Variants in BCKDHB observed in about 807,000 individuals in gnomAD.
BCKDHB encodes the protein 2-oxoisovalerate dehydrogenase subunit beta, mitochondrial.
A neutral mutation model predicts 48.5 loss-of-function variants in BCKDHB; 41 were observed. That is an observed-to-expected ratio of 0.85 (90% CI 0.66 to 1.10). The LOEUF is 1.10. Among genes scored for constraint, BCKDHB ranks in the 50% least tolerant of loss-of-function variants. The pLI is 0.00. For missense variants in BCKDHB, 496 were observed against 494.2 expected (o/e 1.00, Z -0.03); for synonymous variants, 201 against 174.8 (o/e 1.15, Z -1.18).
intron 9 of BCKDHB, among the ~76,000 whole-genome samples, chr6:80,273,919 T>A (rs1777859911): frequency 6.6e-6 from 1 of 152,026 alleles, no homozygotes; most frequent in African/African-American, 2.4e-5. Context: ...TCTTCCTAAT[T>A]TTTAAATTGA....
chr6:80,365,444 G>A, the BCKDHB span, among the ~76,000 whole-genome samples: 23 of 152,076 alleles, frequency 1.5e-4, no homozygotes, highest in Admixed American at 5.2e-4. Flanking sequence ...CTTTCCCAGG[G>A]TATTAATATT....
intron 9 of BCKDHB, among the ~76,000 whole-genome samples, chr6:80,335,607 G>T (rs1769550183): frequency 4.6e-5 from 7 of 152,062 alleles, no homozygotes. Context: ...CTTGCACATA[G>T]TGTATCTCAT....
intron 3 of BCKDHB, among the ~76,000 whole-genome samples, chr6:80,136,828 A>T (rs1233984557): frequency 6.6e-6 from 1 of 152,156 alleles, no homozygotes; most frequent in African/African-American, 2.4e-5. Context: ...TAATTTATAT[A>T]TAAATTACCA....
In BCKDHB at chr6:80,106,690, G is replaced by A. The variant is rs748362223; in HGVS notation, c.-4G>A. On this transcript the variant is annotated 5_prime_UTR_variant, in exon 1 of 10. Coordinates refer to ENST00000320393, the MANE Select transcript of BCKDHB (RefSeq NM_183050.4). Reference sequence around the variant, plus strand: ...TAGCCTGAGAATCCCGGTGGTGAGCGGGGATGGCGGTTGTAGCGGCGGCTG... The same window carrying A: ...TAGCCTGAGAATCCCGGTGGTGAGCAGGGATGGCGGTTGTAGCGGCGGCTG... 1.9e-6 allele frequency: 3 copies of A among 1,553,858 alleles called. No homozygotes were observed. Among genetic ancestry groups the A allele is most frequent in the South Asian group, 2.4e-5 (2 of 84,500 alleles).
intron 8 of BCKDHB, among the ~76,000 whole-genome samples, chr6:80,249,405 T>C (rs900493690): frequency 1.3e-5 from 2 of 152,052 alleles, no homozygotes; most frequent in African/African-American, 2.4e-5. Context: ...GGAGGATCAA[T>C]TGAGTAATTT....
the BCKDHB span, among the ~76,000 whole-genome samples, chr6:80,409,880 T>C: frequency 6.6e-6 from 1 of 151,912 alleles, no homozygotes; most frequent in Non-Finnish European, 1.5e-5. Flanking sequence ...TTTATCCAAT[T>C]TGCCAGTCTG....
At chr6:80,394,399 A>G in the BCKDHB span, among the ~76,000 whole-genome samples, 1 of 151,218 alleles carries the variant, frequency 6.6e-6, no homozygotes, top group African/African-American at 2.4e-5. Context: ...GTTCTTTTGG[A>G]TGCAATATTT....
intron 9 of BCKDHB, among the ~76,000 whole-genome samples, chr6:80,288,961 TTTTG>T (rs1582510265): frequency 6.6e-6 from 1 of 152,092 alleles, no homozygotes; most frequent in East Asian, 1.9e-4. Flanking sequence ...TAAGTGAGCA[TTTTG>T]TTTAAGGGGA....
chr6:80,280,655 A>T (rs188036472), intron 9 of BCKDHB, among the ~76,000 whole-genome samples: 7 of 152,190 alleles, frequency 4.6e-5, no homozygotes, highest in African/African-American at 1.7e-4. Flanking sequence ...ATAAAAATAT[A>T]TATCATCTAG....
the BCKDHB span, among the ~76,000 whole-genome samples, chr6:80,366,634 G>A: frequency 4.0e-4 from 61 of 152,228 alleles, no homozygotes; most frequent in African/African-American, 1.4e-3. Context: ...TCATAGTGTA[G>A]TGCCCAACGT....
At chr6:80,376,295 G>A in the BCKDHB span, among the ~76,000 whole-genome samples, 3 of 152,002 alleles carry the variant, frequency 2.0e-5, no homozygotes, top group Admixed American at 1.3e-4. Flanking sequence ...GGGGAAAGCT[G>A]GCAGACACAG....
chr6:80,136,399 T>C (rs890482753), intron 3 of BCKDHB, among the ~76,000 whole-genome samples: 11 of 152,124 alleles, frequency 7.2e-5, no homozygotes, highest in Non-Finnish European at 1.0e-4. Context: ...CTGGGAAAAC[T>C]GGATATTCAC....
chr6:80,436,370 G>A, the BCKDHB span, among the ~76,000 whole-genome samples: 2 of 151,750 alleles, frequency 1.3e-5, no homozygotes, highest in Non-Finnish European at 1.5e-5. Flanking sequence ...CACCGTGTTA[G>A]CCAGGATGGT....
At chr6:80,285,024 A>G (rs1264600778) in intron 9 of BCKDHB, among the ~76,000 whole-genome samples, 1 of 152,142 alleles carries the variant, frequency 6.6e-6, no homozygotes, top group Admixed American at 6.5e-5. Context: ...AGCAATGGTT[A>G]ACTCTAATTT....
At chr6:80,357,677 C>G in the BCKDHB span, among the ~76,000 whole-genome samples, 4 of 152,160 alleles carry the variant, frequency 2.6e-5, no homozygotes. Context: ...CTACGTTTTC[C>G]TGGGCAGGCC....
chr6:80,252,761 T>A (rs748579737), intron 8 of BCKDHB, among the ~76,000 whole-genome samples: 10 of 152,204 alleles, frequency 6.6e-5, no homozygotes, highest in Non-Finnish European at 1.2e-4. Context: ...ACTATCTTAC[T>A]ACAAGAGATA....
chr6:80,200,877 G>A lies in BCKDHB; in HGVS notation c.743-57G>A, dbSNP rs1774356701. On this transcript the variant is annotated intron_variant, in intron 6 of 9. Coordinates refer to ENST00000320393, the MANE Select transcript of BCKDHB (RefSeq NM_183050.4). ...CAGTGAGCTTCTTAAATTATTTTAT[G>A]CACAAGTGTCACCTCAGAAAAAATG... is the stretch of plus-strand genomic sequence containing the variant. The A allele has an allele frequency of 4.5e-6, 6 of 1,332,282 alleles. No individual in the cohort carries two copies. In the Admixed American group the frequency reaches 5.1e-5, roughly 11 times the overall value. The allele number at this position is 1,332,282 out of a possible 1,614,324, so 82.5% of individuals were successfully genotyped here.
At chr6:80,459,547 C>G in the BCKDHB span, among the ~76,000 whole-genome samples, 1 of 152,106 alleles carries the variant, frequency 6.6e-6, no homozygotes, top group African/African-American at 2.4e-5. Flanking sequence ...ATCTAGAGAT[C>G]TGCTGTACAA....
intron 8 of BCKDHB, among the ~76,000 whole-genome samples, chr6:80,216,314 A>C (rs996559731): frequency 3.3e-5 from 5 of 152,186 alleles, no homozygotes; most frequent in African/African-American, 1.2e-4. Context: ...TCAGCTTAGA[A>C]CATATTTTAT....
Sources: gnomAD v4.1 joint callset for allele counts (sites outside exome capture counted in the v4.1 genomes callset) on GRCh38, gnomAD v4.1.1 for gene constraint, MANE v1.5 for transcripts, NCBI Gene and HGNC (gene_info 2026-07-23, HGNC 2026-07-21) for gene names.